Variants in GLRA3 observed in about 807,000 individuals in gnomAD.
GLRA3 encodes the protein glycine receptor subunit alpha-3.
GLRA3 carries 44 observed loss-of-function variants against 60.4 expected under a neutral mutation model. That is an observed-to-expected ratio of 0.73 (90% CI 0.57 to 0.94). The LOEUF (loss-of-function observed/expected upper bound fraction) is 0.94. Ranked by LOEUF, GLRA3 falls within the 40% of genes least tolerant of loss-of-function variation. The pLI is 0.00. For missense variants in GLRA3, 508 were observed against 564.6 expected (o/e 0.90, Z 1.02); for synonymous variants, 223 against 192.9 (o/e 1.16, Z -1.29).
chr4:174,669,351 GC>G (rs918302855), intron 7 of GLRA3, among the ~76,000 whole-genome samples: 57 of 152,034 alleles, frequency 3.7e-4, no homozygotes, highest in African/African-American at 1.3e-3. Flanking sequence ...TACTGAAAAG[GC>G]AAAAGGAGGT....
chr4:174,822,815 A>C (rs77839437), intron 1 of GLRA3, among the ~76,000 whole-genome samples: 3,209 of 152,298 alleles, frequency 0.021, 45 homozygotes, highest in Non-Finnish European at 0.034. Flanking sequence ...ATTGTATGCT[A>C]TTCCTAATTG....
intron 5 of GLRA3, among the ~76,000 whole-genome samples, chr4:174,706,834 G>T (rs1735538060): frequency 6.6e-6 from 1 of 152,138 alleles, no homozygotes; most frequent in East Asian, 1.9e-4. Flanking sequence ...TTATTAACAG[G>T]TAGATTCTGT....
chr4:174,824,103 G>A (rs963516573), intron 1 of GLRA3, among the ~76,000 whole-genome samples: 3 of 152,106 alleles, frequency 2.0e-5, no homozygotes. Flanking sequence ...CCTAGCTGAG[G>A]CCAGGAAACC....
intron 8 of GLRA3, among the ~76,000 whole-genome samples, chr4:174,657,274 C>T (rs905604407): frequency 8.5e-5 from 13 of 152,140 alleles, no homozygotes; most frequent in Admixed American, 2.6e-4. Context: ...ACTTTTTCTA[C>T]TGGATATTAT....
Position 174,643,553 on chromosome 4 carries a change from T to A in GLRA3, c.*233A>T. 7 of 1,183,906 alleles carry A rather than the reference T, an allele frequency of 5.9e-6. No individual in the cohort carries two copies. The highest frequency in any genetic ancestry group is 7.3e-6 in the Non-Finnish European group (7 of 952,622). The allele number at this position is 1,183,906 out of a possible 1,614,324, so 73.3% of individuals were successfully genotyped here. On this transcript the variant is annotated 3_prime_UTR_variant, in exon 10 of 10. Transcript: ENST00000274093. Reference sequence around the variant, plus strand: ...ACATGGTTTACTGTGAAAAAACAAATCACCTGGAATTAATATGAAATAGAA... The same window carrying A: ...ACATGGTTTACTGTGAAAAAACAAAACACCTGGAATTAATATGAAATAGAA...
intron 6 of GLRA3, among the ~76,000 whole-genome samples, 194 bp from the exon 7 acceptor site, chr4:174,677,486 A>G (rs990087437): frequency 6.6e-6 from 1 of 151,408 alleles, no homozygotes; most frequent in Non-Finnish European, 1.5e-5. Flanking sequence ...CAGCCTCCCA[A>G]GTAGCTGGGA....
chr4:174,673,546 TC>T (rs904941468), intron 7 of GLRA3, among the ~76,000 whole-genome samples: 2 of 152,048 alleles, frequency 1.3e-5, no homozygotes, highest in African/African-American at 4.8e-5. Context: ...TCTAATATAT[TC>T]TGTTTATGGG....
chr4:174,671,806 C>A (rs1217808329), intron 7 of GLRA3, among the ~76,000 whole-genome samples: 2 of 151,972 alleles, frequency 1.3e-5, no homozygotes. Context: ...CCCGCCACCA[C>A]GCCCAGCTAA....
At chr4:174,681,851 T>A (rs189649921) in intron 6 of GLRA3, among the ~76,000 whole-genome samples, 1 of 152,328 alleles carries the variant, frequency 6.6e-6, no homozygotes, top group Admixed American at 6.5e-5. Context: ...GCTCTTTATC[T>A]TTGTGTTGAG....
chr4:174,706,243 A>G (rs7690798), intron 5 of GLRA3, among the ~76,000 whole-genome samples: 8 of 61,630 alleles, frequency 1.3e-4, no homozygotes, highest in East Asian at 1.5e-3. Context: ...AAAAAAAAAG[A>G]AAAAAAAAAT....
At chr4:174,688,514 C>T (rs114771857) in intron 5 of GLRA3, among the ~76,000 whole-genome samples, 354 of 149,480 alleles carry the variant, frequency 2.4e-3, no homozygotes, top group African/African-American at 7.8e-3. Flanking sequence ...TAGTATGTGG[C>T]CAGCATATAG....
At chr4:174,809,783 T>C (rs1740190468) in intron 1 of GLRA3, among the ~76,000 whole-genome samples, 2 of 152,234 alleles carry the variant, frequency 1.3e-5, no homozygotes, top group Non-Finnish European at 2.9e-5. Flanking sequence ...TTAGGAAGCA[T>C]AACTCAGTAT....
intron 5 of GLRA3, among the ~76,000 whole-genome samples, chr4:174,696,921 G>C (rs1226054363): frequency 6.6e-6 from 1 of 152,100 alleles, no homozygotes; most frequent in Non-Finnish European, 1.5e-5. Context: ...ATTATGAGTA[G>C]AGGCTACTAA....
At chr4:174,697,142 T>C (rs1403609629) in intron 5 of GLRA3, among the ~76,000 whole-genome samples, 2 of 152,306 alleles carry the variant, frequency 1.3e-5, no homozygotes, top group African/African-American at 4.8e-5. Flanking sequence ...GAAGCACTTA[T>C]TCAAAGGGAG....
intron 1 of GLRA3, among the ~76,000 whole-genome samples, chr4:174,796,268 G>T (rs1410404355): frequency 6.6e-6 from 1 of 152,104 alleles, no homozygotes; most frequent in Non-Finnish European, 1.5e-5. Flanking sequence ...ATTTGCTGGT[G>T]CTCTGATCTT....
chr4:174,682,810 T>C lies in GLRA3; in HGVS notation c.704A>G (p.Tyr235Cys). 6.2e-7 allele frequency: 1 copy of C among 1,611,900 alleles called. No homozygotes were observed. The highest frequency in any genetic ancestry group is 1.1e-5 in the South Asian group (1 of 90,986). ...CACTACTCAACCCCTACCTGTATTG[T>C]AATGTTTAGTGCAGTATCGTAAATC... ...EKDLRYCTKHYNTGKFTCIEV... is the reference protein window; with the variant it reads ...EKDLRYCTKHCNTGKFTCIEV... The change falls in exon 6 of 10, where the codon TAC (tyrosine) becomes TGC (cysteine). Residue 235 changes from tyrosine (Y) to cysteine (C), a missense_variant. By Grantham distance (194) the Tyr-to-Cys change is radical. Transcript: ENST00000274093.
chr4:174,798,768 C>CA (rs1261745008), intron 1 of GLRA3, among the ~76,000 whole-genome samples: 16 of 152,076 alleles, frequency 1.1e-4, no homozygotes, highest in South Asian at 1.0e-3. Context: ...ACTAAAAATA[C>CA]AAAAAATTAG....
At chr4:174,679,619 G>A (rs1045411900) in intron 6 of GLRA3, among the ~76,000 whole-genome samples, 2 of 152,122 alleles carry the variant, frequency 1.3e-5, no homozygotes, top group East Asian at 1.9e-4. Context: ...GCTAAGATAA[G>A]GAACCAACCC....
chr4:174,805,224 A>G (rs1387216231), intron 1 of GLRA3, among the ~76,000 whole-genome samples: 1 of 152,104 alleles, frequency 6.6e-6, no homozygotes. Context: ...CTGTATTAGG[A>G]TGAGTGTGGT....
Sources: gnomAD v4.1 joint callset for allele counts (sites outside exome capture counted in the v4.1 genomes callset) on GRCh38, gnomAD v4.1.1 for gene constraint, MANE v1.5 for transcripts, NCBI Gene and HGNC (gene_info 2026-07-23, HGNC 2026-07-21) for gene names.